MAST2: variants seen among roughly 807,000 people sequenced by gnomAD.
MAST2 encodes the protein microtubule-associated serine/threonine-protein kinase 2.
Under a neutral mutation model 147.4 loss-of-function variants are expected in MAST2, and 70 were observed. The ratio of observed to expected loss-of-function variants is 0.47; its 90% confidence interval spans 0.39 to 0.58. MAST2 has a LOEUF of 0.58. Ranked by LOEUF, MAST2 falls within the 20% of genes least tolerant of loss-of-function variation. The probability of loss-of-function intolerance (pLI) is 0.00; values close to 1 mark genes in which losing one functional copy is unlikely to be tolerated. For synonymous variants in MAST2, 869 were observed against 896.8 expected (o/e 0.97, Z 0.55); for missense variants, 2,080 against 2,302.3 (o/e 0.90, Z 1.98).
At chr1:46,026,588 C>G (rs766584886) in intron 16 of MAST2, among the ~76,000 whole-genome samples, 4 of 151,926 alleles carry the variant, frequency 2.6e-5, no homozygotes, top group Non-Finnish European at 4.4e-5. Context: ...AGACCACTGC[C>G]AAAGAGATAC....
At chr1:45,926,976 C>T (rs1475299301) in intron 4 of MAST2, among the ~76,000 whole-genome samples, 2 of 152,114 alleles carry the variant, frequency 1.3e-5, no homozygotes, top group Middle Eastern at 3.2e-3. Context: ...TAAGCGTCGG[C>T]TGGCTTGAGA....
chr1:45,893,375 C>A (rs749365870), intron 4 of MAST2, among the ~76,000 whole-genome samples: 3 of 151,560 alleles, frequency 2.0e-5, no homozygotes, highest in Non-Finnish European at 4.4e-5. Flanking sequence ...TTATTTATTT[C>A]ATTTAATTTA....
chr1:45,964,929 C>T (rs1479084816), intron 5 of MAST2, among the ~76,000 whole-genome samples: 1 of 152,042 alleles, frequency 6.6e-6, no homozygotes, highest in East Asian at 1.9e-4. Flanking sequence ...TCTTTGTTCT[C>T]GTTGGTTTCA....
intron 6 of MAST2, among the ~76,000 whole-genome samples, chr1:45,998,796 C>T (rs1366136079): frequency 4.0e-5 from 6 of 151,364 alleles, no homozygotes; most frequent in South Asian, 4.2e-4. Flanking sequence ...GGCATGATCT[C>T]GGCTCACTGC....
chr1:45,900,446 ATTTTTTTTTTT>A (rs908880746), intron 4 of MAST2, among the ~76,000 whole-genome samples: 108 of 9,972 alleles, frequency 0.011, 25 homozygotes, highest in Non-Finnish European at 0.014. Context: ...GATGTTGGAT[ATTTTTTTTTTT>A]TTTTTTTTTT....
At chr1:45,970,302 A>G (rs1274636047) in intron 5 of MAST2, among the ~76,000 whole-genome samples, 1 of 152,088 alleles carries the variant, frequency 6.6e-6, no homozygotes, top group African/African-American at 2.4e-5. Context: ...CTGAGCTTCC[A>G]GCAATTCCTC....
intron 3 of MAST2, among the ~76,000 whole-genome samples, chr1:45,843,966 T>C (rs1323081970): frequency 1.3e-5 from 2 of 152,242 alleles, no homozygotes; most frequent in Non-Finnish European, 2.9e-5. Flanking sequence ...CTGAATTTCA[T>C]CTTGAATAGT....
intron 3 of MAST2, among the ~76,000 whole-genome samples, chr1:45,842,491 A>G (rs1254834201): frequency 1.3e-5 from 2 of 152,070 alleles, no homozygotes; most frequent in African/African-American, 4.8e-5. Flanking sequence ...CTTCCATGCA[A>G]TCTGCATTTT....
chr1:46,000,076 G>A (rs1326463920), intron 6 of MAST2, among the ~76,000 whole-genome samples: 1 of 152,252 alleles, frequency 6.6e-6, no homozygotes, highest in Non-Finnish European at 1.5e-5. Flanking sequence ...CACTTTGGGA[G>A]GCCGAAGCAG....
chr1:45,830,862 A>G (rs1473798202), intron 3 of MAST2, among the ~76,000 whole-genome samples: 2 of 151,766 alleles, frequency 1.3e-5, no homozygotes, highest in Admixed American at 6.6e-5. Context: ...TGTCTATACA[A>G]ATAATAATAA....
intron 1 of MAST2, among the ~76,000 whole-genome samples, chr1:45,808,761 T>C (rs1050578122): frequency 1.3e-5 from 2 of 152,224 alleles, no homozygotes; most frequent in Admixed American, 6.5e-5. Flanking sequence ...CCCTGGCTAA[T>C]GGTAAGTGCT....
chr1:45,903,714 C>CAT (rs1189789056), intron 4 of MAST2, among the ~76,000 whole-genome samples: 1 of 152,108 alleles, frequency 6.6e-6, no homozygotes, highest in Non-Finnish European at 1.5e-5. Context: ...TATGACCGAA[C>CAT]ATGTGGTCAA....
In MAST2 at chr1:45,959,494, T is replaced by C; in HGVS notation, c.592+17T>C. Reference sequence around the variant, plus strand: ...GCCACACAGGTGAGTGCTTGAAGGTTAAGAAAGGTTGAATGAAAGAGTGGC... The same window carrying C: ...GCCACACAGGTGAGTGCTTGAAGGTCAAGAAAGGTTGAATGAAAGAGTGGC... On this transcript the variant is annotated intron_variant, in intron 5 of 28. Coordinates refer to ENST00000361297, the MANE Select transcript of MAST2 (RefSeq NM_015112.3). 1 of 1,608,662 alleles carries C rather than the reference T, an allele frequency of 6.2e-7. No homozygotes were observed. Among genetic ancestry groups the C allele is most frequent in the Non-Finnish European group, 8.5e-7 (1 of 1,176,060 alleles).
At chr1:45,857,947 C>T (rs145767047) in intron 3 of MAST2, among the ~76,000 whole-genome samples, 2 of 144,510 alleles carry the variant, frequency 1.4e-5, no homozygotes, top group African/African-American at 2.6e-5. Flanking sequence ...TGAACATATC[C>T]TTTTTTATGG....
Position 45,943,687 on chromosome 1 carries a change from C to T in MAST2, c.501-15699C>T, listed in dbSNP as rs560022301. 2.7e-4 allele frequency among the ~76,000 whole-genome samples: 41 copies of T among 151,982 alleles called. 1 individual carries two copies. In the South Asian group the frequency reaches 7.7e-3, roughly 28 times the overall value. On this transcript the variant is annotated intron_variant, in intron 4 of 28. Transcript: ENST00000361297. ...CTTGAACCCGGGAGGCAGAGGTTGCCGTGAGCCAAGATCATGCCGTTGCAC... is the reference window on the plus strand; with the variant it reads ...CTTGAACCCGGGAGGCAGAGGTTGCTGTGAGCCAAGATCATGCCGTTGCAC...
intron 3 of MAST2, among the ~76,000 whole-genome samples, chr1:45,843,806 A>G (rs1324375285): frequency 6.6e-6 from 1 of 152,190 alleles, no homozygotes. Flanking sequence ...TTTGAAGGGT[A>G]TATGAGTAAT....
At chr1:45,920,487 T>G (rs943829941) in intron 4 of MAST2, among the ~76,000 whole-genome samples, 1 of 152,200 alleles carries the variant, frequency 6.6e-6, no homozygotes, top group East Asian at 1.9e-4. Flanking sequence ...TTTCATATAT[T>G]TCATCTAATT....
rs535317331 is a variant in MAST2 at position 45,932,781 on chromosome 1, A to T, written c.501-26605A>T. Among the ~76,000 whole-genome samples, 14 of 152,232 alleles carry T rather than the reference A, an allele frequency of 9.2e-5. No individual in the cohort carries two copies. The South Asian group carries it at 2.9e-3, about 32-fold the overall frequency. ...GTTTTGATGCTCAAAATTGTATCAT[A>T]TCTGGTCAAGGGAAGTTTCTTCAGG... On this transcript the variant is annotated intron_variant, in intron 4 of 28. Transcript: ENST00000361297.
Position 45,888,663 on chromosome 1 carries a change from C to CTTTTTTTTT in MAST2, c.500+6296_500+6304dup, listed in dbSNP as rs71587722. ...AGGCGTGAGCCACCGCGCGCGGCCTCTTTTTTTTTTTTTTTTTTTTTTTTT... is the reference window on the plus strand; with the variant it reads ...AGGCGTGAGCCACCGCGCGCGGCCTCTTTTTTTTTTTTTTTTTTTTTTTTTTTTTTTTTT... On this transcript the variant is annotated intron_variant, in intron 4 of 28. Transcript: ENST00000361297. Among the ~76,000 whole-genome samples the CTTTTTTTTT allele has an allele frequency of 3.0e-3, 144 of 48,720 alleles. 16 individuals carry two copies. The Middle Eastern group carries it at 0.052, about 17-fold the overall frequency. 32.0% of individuals were successfully genotyped at this position (48,720 alleles called of 152,430 possible). A position where few individuals can be genotyped will look rare whatever the true frequency, so the allele number is the denominator to read the frequency against.
Sources: gnomAD v4.1 joint callset for allele counts (sites outside exome capture counted in the v4.1 genomes callset) on GRCh38, gnomAD v4.1.1 for gene constraint, MANE v1.5 for transcripts, NCBI Gene and HGNC (gene_info 2026-07-23, HGNC 2026-07-21) for gene names.